Variants in ELK4 observed in about 807,000 individuals in gnomAD.
ELK4 encodes the protein ETS domain-containing protein Elk-4.
ELK4 carries 16 observed loss-of-function variants against 29.6 expected under a neutral mutation model. That is an observed-to-expected ratio of 0.54 (90% CI 0.37 to 0.82). The LOEUF (loss-of-function observed/expected upper bound fraction) is 0.82. ELK4 is among the 40% of genes least tolerant of loss of function. ELK4 has a pLI of 0.00. For missense variants in ELK4, 465 were observed against 507.1 expected (o/e 0.92, Z 0.80); for synonymous variants, 213 against 191.1 (o/e 1.11, Z -0.95).
chr1:205,620,960 G>T (rs111788446), intron 2 of ELK4, 122 bp from the exon 3 acceptor site: 3 of 1,095,334 alleles, frequency 2.7e-6, no homozygotes, highest in Non-Finnish European at 3.8e-6. Flanking sequence ...ACTTTGGAAG[G>T]CCGAGGAGGG....
At chr1:205,628,678 C>T (rs1172916821) in intron 1 of ELK4, among the ~76,000 whole-genome samples, 1 of 152,194 alleles carries the variant, frequency 6.6e-6, no homozygotes, top group Non-Finnish European at 1.5e-5. Context: ...AGGAGACTCC[C>T]CAAAATAACA....
At chr1:205,616,667 T>G (rs1670236163) in intron 4 of ELK4, 23 bp from the exon 5 acceptor site, 2 of 1,601,980 alleles carry the variant, frequency 1.2e-6, no homozygotes, top group East Asian at 4.5e-5. Context: ...ACAAAACACA[T>G]TATCATCCTA....
chr1:205,628,320 A>G (rs1280858044), intron 1 of ELK4, among the ~76,000 whole-genome samples: 2 of 152,192 alleles, frequency 1.3e-5, no homozygotes, highest in East Asian at 3.8e-4. Context: ...TCCCACTTAA[A>G]CAATTATTTC....
At chr1:205,623,019 G>A (rs533060773) in intron 2 of ELK4, among the ~76,000 whole-genome samples, 71 of 151,846 alleles carry the variant, frequency 4.7e-4, no homozygotes, top group African/African-American at 1.1e-3. Flanking sequence ...TTAGCTGGGC[G>A]TGGTGGTGGC....
At chr1:205,619,879 G>A (rs746580523) in intron 3 of ELK4, 87 bp downstream of exon 3, 3 of 1,613,880 alleles carry the variant, frequency 1.9e-6, no homozygotes, top group South Asian at 1.1e-5. Flanking sequence ...GTAACAGAAA[G>A]CAAACTTGAG....
At chr1:205,619,828 T>C in intron 3 of ELK4, 138 bp downstream of exon 3, 2 of 1,576,890 alleles carry the variant, frequency 1.3e-6, no homozygotes, top group Non-Finnish European at 1.7e-6. Flanking sequence ...GGGGTAACTT[T>C]CACATGACAG....
chr1:205,629,235 T>C (rs1379336075), intron 1 of ELK4, among the ~76,000 whole-genome samples: 1 of 148,916 alleles, frequency 6.7e-6, no homozygotes, highest in Admixed American at 6.7e-5. Context: ...GTATTAGAAA[T>C]GAATTTTGAG....
chr1:205,626,414 C>T (rs1184024240), intron 1 of ELK4, among the ~76,000 whole-genome samples: 1 of 152,140 alleles, frequency 6.6e-6, no homozygotes, highest in Non-Finnish European at 1.5e-5. Context: ...GTCTCTGTCA[C>T]ATCCAGTGAT....
rs1670302377 is a variant in ELK4, at chr1:205,620,000, G to C, written c.1046C>G (p.Pro349Arg). The C allele has an allele frequency of 6.2e-7, 1 of 1,614,254 alleles. No homozygotes were observed. Residue 349 changes from proline to arginine, a missense_variant, in exon 3 of 5, where the codon CCT (proline) becomes CGT (arginine). Pro to Arg is a moderately radical substitution (Grantham distance 103). Coordinates refer to ENST00000357992, the MANE Select transcript of ELK4 (RefSeq NM_001973.4). Reference sequence around the variant, plus strand: ...AAATGCTGGTGTAAGAGAAGCTGTAGGGAGAGATGGGCTCAGTATTCCCAG... The same window carrying C: ...AAATGCTGGTGTAAGAGAAGCTGTACGGAGAGATGGGCTCAGTATTCCCAG... ...SPLGILSPSL[P>R]TASLTPAFFS...
intron 2 of ELK4, 21 bp from the exon 3 acceptor site, chr1:205,620,859 C>T (rs1571499950): frequency 6.4e-7 from 1 of 1,568,460 alleles, no homozygotes; most frequent in Admixed American, 1.9e-5. Flanking sequence ...AAAAAAAAAG[C>T]ATTTTTATCC....
rs930929093 is a variant in ELK4, at chr1:205,613,807, T to A, written c.*2739A>T. 6 of 208,778 alleles carry A rather than the reference T, an allele frequency of 2.9e-5. No homozygotes were observed. Among genetic ancestry groups the A allele is most frequent in the African/African-American group, 1.4e-4 (6 of 43,954 alleles). 12.9% of individuals were successfully genotyped at this position (208,778 alleles called of 1,614,324 possible). ...TTCAATCTGCTCCCCTTCCGTAACT[T>A]AGGCTACTGCTGCCCAACAGCATTC... is the stretch of plus-strand genomic sequence containing the variant. On this transcript the variant is annotated 3_prime_UTR_variant, in exon 5 of 5. Transcript: ENST00000357992.
chr1:205,617,776 C>G (rs1670258244), intron 4 of ELK4, among the ~76,000 whole-genome samples: 2 of 151,978 alleles, frequency 1.3e-5, no homozygotes, highest in Non-Finnish European at 2.9e-5. Flanking sequence ...TGGCACATGC[C>G]TATAATCCTG....
chr1:205,619,932 G>A (rs1311995945), intron 3 of ELK4, 34 bp downstream of exon 3: 1 of 1,614,158 alleles, frequency 6.2e-7, no homozygotes, highest in Non-Finnish European at 8.5e-7. Flanking sequence ...ATAAATGAAA[G>A]CAATGGTGAC....
intron 1 of ELK4, among the ~76,000 whole-genome samples, chr1:205,629,545 C>T (rs1163988808): frequency 6.6e-6 from 1 of 151,816 alleles, no homozygotes; most frequent in Non-Finnish European, 1.5e-5. Context: ...GGTGAAACCC[C>T]GTTTCTATTA....
At chr1:205,629,900 A>C (rs944143235) in intron 1 of ELK4, among the ~76,000 whole-genome samples, 1 of 151,610 alleles carries the variant, frequency 6.6e-6, no homozygotes, top group African/African-American at 2.4e-5. Context: ...CAAAAATACA[A>C]AAAATTAGCC....
chr1:205,610,097 C>T lies in ELK4; in HGVS notation c.*6449G>A. 4.3e-6 allele frequency: 1 copy of T among 232,160 alleles called. No homozygotes were observed. Among genetic ancestry groups the T allele is most frequent in the Non-Finnish European group, 8.5e-6 (1 of 117,386 alleles). 14.4% of individuals were successfully genotyped at this position (232,160 alleles called of 1,614,324 possible). A position where few individuals can be genotyped will look rare whatever the true frequency, so the allele number is the denominator to read the frequency against. ...TAACACCAATATATGGCATTCCCAC[C>T]CCTGAACTTTAGGCATTCTTGAATG... On this transcript the variant is annotated 3_prime_UTR_variant, in exon 5 of 5. Transcript: ENST00000357992.
chr1:205,622,023 C>T (rs1055814032), intron 2 of ELK4, among the ~76,000 whole-genome samples: 5 of 151,624 alleles, frequency 3.3e-5, no homozygotes, highest in African/African-American at 9.7e-5. Context: ...ACCAGCCTCC[C>T]GTAGAGATGG....
In ELK4 at chr1:205,614,085, T is replaced by C. The variant is rs111409115; in HGVS notation, c.*2461A>G. On this transcript the variant is annotated 3_prime_UTR_variant, in exon 5 of 5. Transcript: ENST00000357992. Reference sequence around the variant, plus strand: ...GCACACACACACTTCTCCAAATTAGTTGATCTCAAAGAGATAGCAGATCAC... The same window carrying C: ...GCACACACACACTTCTCCAAATTAGCTGATCTCAAAGAGATAGCAGATCAC... 1.7e-3 allele frequency: 388 copies of C among 224,402 alleles called. 1 individual carries two copies. The highest frequency in any genetic ancestry group is 8.2e-3 in the African/African-American group (370 of 44,970). 13.9% of individuals were successfully genotyped at this position (224,402 alleles called of 1,614,324 possible). A position where few individuals can be genotyped will look rare whatever the true frequency, so the allele number is the denominator to read the frequency against.
intron 1 of ELK4, 97 bp downstream of exon 1, chr1:205,631,535 C>T (rs1277013979): frequency 6.5e-6 from 1 of 154,656 alleles, no homozygotes; most frequent in African/African-American, 2.4e-5. Flanking sequence ...CCCCCACTTC[C>T]TGTTGTGCCG....
Sources: gnomAD v4.1 joint callset for allele counts (sites outside exome capture counted in the v4.1 genomes callset) on GRCh38, gnomAD v4.1.1 for gene constraint, MANE v1.5 for transcripts, NCBI Gene and HGNC (gene_info 2026-07-23, HGNC 2026-07-21) for gene names.